MAP2: variants seen among roughly 807,000 people sequenced by gnomAD.
MAP2 encodes microtubule-associated protein 2.
Under a neutral mutation model 137.6 loss-of-function variants are expected in MAP2, and 14 were observed. The observed-to-expected ratio is 0.10, with a 90% CI of 0.07 to 0.16. MAP2 has a LOEUF of 0.16. Among genes scored for constraint, MAP2 ranks in the 10% least tolerant of loss-of-function variants. The pLI is 1.00. For missense variants in MAP2, 2,088 were observed against 2,191.5 expected, an observed-to-expected ratio of 0.95 and a Z score of 0.94; for synonymous variants, 786 against 782.3, an observed-to-expected ratio of 1.00 and a Z score of -0.08.
At chr2:209,666,696 T>G (rs754766198) in intron 5 of MAP2, among the ~76,000 whole-genome samples, 6 of 152,036 alleles carry the variant, frequency 3.9e-5, no homozygotes, top group Non-Finnish European at 7.4e-5. Context: ...TTACTCTAGC[T>G]GACTATCATC....
chr2:209,708,348 A>G (rs73074709), intron 12 of MAP2, among the ~76,000 whole-genome samples: 154 of 152,300 alleles, frequency 1.0e-3, no homozygotes, highest in African/African-American at 3.6e-3. Context: ...CATATTATCA[A>G]TTGAAGAGTC....
chr2:209,528,746 A>G (rs1053483058), intron 2 of MAP2, among the ~76,000 whole-genome samples: 4 of 146,226 alleles, frequency 2.7e-5, no homozygotes, highest in African/African-American at 8.3e-5. Flanking sequence ...ACATGTATAT[A>G]TGTACATATG....
intron 1 of MAP2, among the ~76,000 whole-genome samples, chr2:209,460,646 A>T (rs1702552770): frequency 2.7e-4 from 29 of 108,190 alleles, no homozygotes; most frequent in Admixed American, 7.2e-4. Flanking sequence ...CTTTCTTTTC[A>T]CTCTCTTTTT....
At chr2:209,432,326 C>G (rs1255815740) in intron 1 of MAP2, among the ~76,000 whole-genome samples, 1 of 152,004 alleles carries the variant, frequency 6.6e-6, no homozygotes, top group Non-Finnish European at 1.5e-5. Context: ...GTGCTCTATC[C>G]CTCTTGGTTG....
chr2:209,696,151 T>C lies in MAP2; in HGVS notation c.3981T>C (p.Asp1327=), dbSNP rs746968656. The change falls in exon 8 of 16, where the codon GAT becomes GAC. Residue 1327 remains aspartate, a synonymous_variant. Transcript: ENST00000682079. ...TGGAAAGGAGACCATCTCCTCATGA[T>C]GAAGAAGAGTTTGAAGTAGAAGAGG... ...PEVERRPSPH[D]EEEFEVEEAA... is the part of the protein sequence containing the mutation. 299 of 1,612,648 alleles carry C rather than the reference T, an allele frequency of 1.9e-4. No individual in the cohort carries two copies. Among genetic ancestry groups the C allele is most frequent in the Non-Finnish European group, 2.5e-4 (290 of 1,179,514 alleles).
chr2:209,645,395 C>T (rs2153588103), intron 4 of MAP2, among the ~76,000 whole-genome samples: 1 of 151,914 alleles, frequency 6.6e-6, no homozygotes, highest in East Asian at 1.9e-4. Flanking sequence ...TTATTAGCCA[C>T]ATTTGCTTGA....
intron 1 of MAP2, among the ~76,000 whole-genome samples, chr2:209,504,971 G>A (rs1006271917): frequency 6.6e-6 from 1 of 152,132 alleles, no homozygotes; most frequent in African/African-American, 2.4e-5. Flanking sequence ...CACAGTCACT[G>A]AGTGTGTTGA....
intron 3 of MAP2, among the ~76,000 whole-genome samples, chr2:209,581,512 C>T (rs7603804): frequency 0.07 from 10,575 of 152,088 alleles, 690 homozygotes; most frequent in African/African-American, 0.17. Flanking sequence ...ATTATTTCAC[C>T]TAGATATTGT....
chr2:209,582,207 T>G (rs2076582328), intron 3 of MAP2, among the ~76,000 whole-genome samples: 1 of 152,162 alleles, frequency 6.6e-6, no homozygotes, highest in South Asian at 2.1e-4. Flanking sequence ...TTTCTTAAAA[T>G]TATACACTGT....
chr2:209,645,581 G>T (rs1220985050), intron 4 of MAP2, among the ~76,000 whole-genome samples: 1 of 152,050 alleles, frequency 6.6e-6, no homozygotes, highest in Non-Finnish European at 1.5e-5. Context: ...GGAAAATATT[G>T]TTGCCTATTT....
At chr2:209,660,174 T>G (rs1361787754) in intron 5 of MAP2, among the ~76,000 whole-genome samples, 1 of 151,946 alleles carries the variant, frequency 6.6e-6, no homozygotes, top group Admixed American at 6.5e-5. Context: ...GATTCCTTTG[T>G]CTCCCCATCA....
chr2:209,517,110 GT>G (rs1489823861), intron 2 of MAP2, among the ~76,000 whole-genome samples: 1 of 152,078 alleles, frequency 6.6e-6, no homozygotes, highest in Non-Finnish European at 1.5e-5. Context: ...TATTTACCAA[GT>G]TTCTCTATCA....
chr2:209,571,190 A>G (rs555891256), intron 2 of MAP2, among the ~76,000 whole-genome samples: 5 of 152,042 alleles, frequency 3.3e-5, no homozygotes, highest in African/African-American at 9.6e-5. Context: ...AATATTCACT[A>G]TAGATCCTAA....
chr2:209,715,023 C>T (rs1452289136), intron 13 of MAP2, among the ~76,000 whole-genome samples: 1 of 151,962 alleles, frequency 6.6e-6, no homozygotes, highest in Non-Finnish European at 1.5e-5. Flanking sequence ...AGCTTCTAAA[C>T]TTTTATTATA....
At chr2:209,440,607 A>G (rs1338061436) in intron 1 of MAP2, among the ~76,000 whole-genome samples, 5 of 151,598 alleles carry the variant, frequency 3.3e-5, no homozygotes, top group African/African-American at 1.2e-4. Flanking sequence ...CATCTTAGCT[A>G]CCTGTTTGCT....
At chr2:209,603,915 T>G (rs1008323129) in intron 3 of MAP2, among the ~76,000 whole-genome samples, 2 of 152,158 alleles carry the variant, frequency 1.3e-5, no homozygotes, top group African/African-American at 2.4e-5. Flanking sequence ...AAAGCCACAG[T>G]GTCCTACTTT....
At position 209,694,188 on chromosome 2, in the gene MAP2, T is replaced by G. The variant is rs2059633553; in HGVS notation, c.2018T>G (p.Leu673Arg). The G allele has an allele frequency of 1.2e-6, 2 of 1,614,144 alleles. No homozygotes were observed. The highest frequency in any genetic ancestry group is 1.7e-6 in the Non-Finnish European group (2 of 1,180,012). ...DPKVYGEKRD[L>R]HSKNKDDLTL... ...AAAGTGTATGGAGAGAAAAGGGACC[T>G]CCACAGTAAGAATAAGGATGATTTG... is the stretch of plus-strand genomic sequence containing the variant. The change falls in exon 8 of 16, where the codon CTC becomes CGC. Residue 673 changes from leucine to arginine, a missense_variant. Physicochemically the swap from Leu to Arg is moderately radical, Grantham distance 102. Transcript: ENST00000682079.
At chr2:209,529,359 A>G (rs1394737374) in intron 2 of MAP2, among the ~76,000 whole-genome samples, 4 of 152,208 alleles carry the variant, frequency 2.6e-5, no homozygotes, top group Non-Finnish European at 4.4e-5. Context: ...ACGTCAATTA[A>G]CATGAATAAG....
At chr2:209,635,159 T>C (rs1054488137) in intron 4 of MAP2, among the ~76,000 whole-genome samples, 1 of 152,154 alleles carries the variant, frequency 6.6e-6, no homozygotes, top group Non-Finnish European at 1.5e-5. Context: ...GAAATACTCA[T>C]TGTTTCCAAA....
Sources: allele counts gnomAD v4.1 joint callset (sites outside exome capture counted in the v4.1 genomes callset), GRCh38; gene constraint gnomAD v4.1.1; transcripts MANE v1.5; gene names NCBI Gene and HGNC (gene_info 2026-07-23, HGNC 2026-07-21).